Variants in GRK5 observed in about 807,000 individuals in gnomAD.
GRK5 encodes G protein-coupled receptor kinase 5, also known as g protein-coupled receptor kinase GRK5.
In GRK5, 40 loss-of-function variants were observed where a neutral mutation model predicts 78.4. The ratio of observed to expected loss-of-function variants is 0.51; its 90% confidence interval spans 0.40 to 0.66. GRK5 has a LOEUF of 0.66. Ranked by LOEUF, GRK5 falls within the 30% of genes least tolerant of loss-of-function variation. The pLI is 0.00. For synonymous variants in GRK5, 289 were observed against 296.8 expected, an observed-to-expected ratio of 0.97 and a Z score of 0.27; for missense variants, 598 against 759.9, an observed-to-expected ratio of 0.79 and a Z score of 2.50.
intron 1 of GRK5, among the ~76,000 whole-genome samples, chr10:119,222,609 C>T (rs1848672971): frequency 6.6e-6 from 1 of 152,156 alleles, no homozygotes; most frequent in Non-Finnish European, 1.5e-5. Flanking sequence ...TCCTCCTGCT[C>T]TGCCTCCCTC....
chr10:119,226,976 C>T (rs911672528), intron 1 of GRK5, among the ~76,000 whole-genome samples: 3 of 152,036 alleles, frequency 2.0e-5, no homozygotes, highest in South Asian at 2.1e-4. Flanking sequence ...TTCCTGCCTC[C>T]GCCTCCCAAG....
rs908058408 is a variant in GRK5, at chr10:119,457,483, C to T, written c.*2416C>T. On this transcript the variant is annotated 3_prime_UTR_variant, in exon 16 of 16. Coordinates refer to ENST00000392870, the MANE Select transcript of GRK5 (RefSeq NM_005308.3). ...TCCATCATGTTTGCCACCAGCCCTC[C>T]CTGAGTGCCCAGAGGAGATGGGGGC... is the stretch of plus-strand genomic sequence containing the variant. 3 of 152,152 alleles carry T rather than the reference C, an allele frequency of 2.0e-5. No homozygotes were observed. Among genetic ancestry groups the T allele is most frequent in the African/African-American group, 7.2e-5 (3 of 41,408 alleles). The allele number at this position is 152,152 out of a possible 1,614,324, so 9.4% of individuals were successfully genotyped here.
chr10:119,362,293 C>T (rs1041582269), intron 2 of GRK5, among the ~76,000 whole-genome samples: 2 of 152,182 alleles, frequency 1.3e-5, no homozygotes, highest in African/African-American at 4.8e-5. Context: ...GCTGGCATGG[C>T]CAGTTTAGGA....
At chr10:119,295,765 A>G (rs1850069227) in intron 1 of GRK5, among the ~76,000 whole-genome samples, 1 of 151,810 alleles carries the variant, frequency 6.6e-6, no homozygotes, top group African/African-American at 2.4e-5. Context: ...GAGGACACGA[A>G]GGCATAAGAA....
chr10:119,335,621 C>T (rs942868132), intron 2 of GRK5, among the ~76,000 whole-genome samples: 4 of 152,240 alleles, frequency 2.6e-5, no homozygotes, highest in Non-Finnish European at 5.9e-5. Context: ...CCTTGGCCTC[C>T]CCAAGTGCTG....
At chr10:119,239,290 A>G (rs890715041) in intron 1 of GRK5, among the ~76,000 whole-genome samples, 2 of 150,702 alleles carry the variant, frequency 1.3e-5, no homozygotes, top group Non-Finnish European at 1.5e-5. Flanking sequence ...GCTGGAGTAC[A>G]GTGGTGCAAT....
chr10:119,376,328 G>C (rs906227411), intron 2 of GRK5, among the ~76,000 whole-genome samples: 2 of 152,136 alleles, frequency 1.3e-5, no homozygotes. Context: ...ATCAGTAACC[G>C]GCCAGTGGGT....
intron 1 of GRK5, among the ~76,000 whole-genome samples, chr10:119,290,211 T>G (rs10886440): frequency 0.78 from 118,030 of 151,836 alleles, 45,992 homozygotes; most frequent in East Asian, 0.94. Flanking sequence ...GCCAGGCATG[T>G]TGGCGGGTGC....
At chr10:119,338,616 G>A (rs1401443016) in intron 2 of GRK5, among the ~76,000 whole-genome samples, 1 of 152,084 alleles carries the variant, frequency 6.6e-6, no homozygotes, top group African/African-American at 2.4e-5. Context: ...ACATCAGTGA[G>A]CAAAGTGCAA....
At chr10:119,449,359 C>G (rs1853227182) in intron 13 of GRK5, among the ~76,000 whole-genome samples, 3 of 152,186 alleles carry the variant, frequency 2.0e-5, no homozygotes, top group Non-Finnish European at 4.4e-5. Context: ...ATTCCCTGGT[C>G]CTCTGGGACA....
chr10:119,434,571 C>T (rs781479261), intron 8 of GRK5, among the ~76,000 whole-genome samples: 1 of 152,262 alleles, frequency 6.6e-6, no homozygotes, highest in Non-Finnish European at 1.5e-5. Flanking sequence ...TCATGTCTCA[C>T]ATCCAGATCA....
At position 119,431,318 on chromosome 10, in the gene GRK5, C is replaced by T. The variant is rs1485241045; in HGVS notation, c.598-69C>T. 29 of 1,535,286 alleles carry T rather than the reference C, an allele frequency of 1.9e-5. No homozygotes were observed. The highest frequency in any genetic ancestry group is 1.8e-4 in the East Asian group (8 of 43,464). On this transcript the variant is annotated intron_variant, in intron 7 of 15. Transcript: ENST00000392870. This position sits in a 1 kb window ranked among gnomAD's most constrained non-coding sequence, Gnocchi z 4.8. ...CTCTACCTGGGAGGCCTGTGGTCCC[C>T]GCCCTGGAGGAGCTCGGGGCAGGCC...
intron 8 of GRK5, among the ~76,000 whole-genome samples, chr10:119,432,688 C>G (rs887835036): frequency 1.2e-4 from 18 of 152,326 alleles, no homozygotes; most frequent in Admixed American, 3.9e-4. Context: ...TAGTCACACC[C>G]CTTTTTAAAG....
chr10:119,386,400 C>T (rs186331926), intron 3 of GRK5, among the ~76,000 whole-genome samples: 19 of 152,174 alleles, frequency 1.2e-4, no homozygotes, highest in East Asian at 1.2e-3. Context: ...GCCTAGGAGT[C>T]GGTGGAATTT....
intron 1 of GRK5, among the ~76,000 whole-genome samples, chr10:119,241,038 TTC>T (rs1237217551): frequency 6.6e-6 from 1 of 152,204 alleles, no homozygotes; most frequent in African/African-American, 2.4e-5. Context: ...GGGCCACTTG[TTC>T]TCTCCTTAAC....
In GRK5 at chr10:119,378,421, C is replaced by T. The variant is rs564528855; in HGVS notation, c.149-2394C>T. 4.8e-4 allele frequency among the ~76,000 whole-genome samples: 73 copies of T among 152,292 alleles called. No individual in the cohort carries two copies. Among genetic ancestry groups the T allele is most frequent in the African/African-American group, 1.7e-3 (70 of 41,564 alleles). ...ATCCATGCTGATCCAAATACTCACT[C>T]GGGAGAGAATGAAACGTTTTAGAGT... On this transcript the variant is annotated intron_variant, in intron 2 of 15. Coordinates refer to ENST00000392870, the MANE Select transcript of GRK5 (RefSeq NM_005308.3). The surrounding 1 kb of genome is among the most constrained non-coding windows in gnomAD (Gnocchi z 4.5).
chr10:119,321,974 C>G (rs1197449686), intron 1 of GRK5, among the ~76,000 whole-genome samples: 1 of 152,142 alleles, frequency 6.6e-6, no homozygotes, highest in Non-Finnish European at 1.5e-5. Flanking sequence ...TTTCCACATC[C>G]CTACCCTTGA....
chr10:119,312,014 T>C (rs1169247474), intron 1 of GRK5, among the ~76,000 whole-genome samples: 1 of 151,174 alleles, frequency 6.6e-6, no homozygotes, highest in East Asian at 2.0e-4. Flanking sequence ...CCTCCCGGGT[T>C]CACGCCATTC....
At chr10:119,357,310 G>T (rs1193112404) in intron 2 of GRK5, among the ~76,000 whole-genome samples, 1 of 152,248 alleles carries the variant, frequency 6.6e-6, no homozygotes, top group Non-Finnish European at 1.5e-5. Flanking sequence ...AATTCCCTCA[G>T]CACTAGAGAA....
Sources: allele counts gnomAD v4.1 joint callset (sites outside exome capture counted in the v4.1 genomes callset), GRCh38; gene constraint gnomAD v4.1.1; non-coding constraint Gnocchi (gnomAD v3.1); transcripts MANE v1.5; gene names NCBI Gene and HGNC (gene_info 2026-07-23, HGNC 2026-07-21).